NXPE1: variants seen among roughly 807,000 people sequenced by gnomAD.
The protein encoded by NXPE1 is neurexophilin and PC-esterase domain family member 1, also known as NXPE family member 1.
In NXPE1, 31 loss-of-function variants were observed where a neutral mutation model predicts 33.3. The ratio of observed to expected loss-of-function variants is 0.93; its 90% CI spans 0.70 to 1.26. The LOEUF is 1.26. Ranked by LOEUF, NXPE1 falls within the 50% of genes most tolerant of loss-of-function variation. NXPE1 has a pLI of 0.00. For missense variants in NXPE1, 661 were observed against 655.6 expected, an observed-to-expected ratio of 1.01 and a Z score of -0.09; for synonymous variants, 229 against 231.4, an observed-to-expected ratio of 0.99 and a Z score of 0.09.
intron 5 of NXPE1, among the ~76,000 whole-genome samples, chr11:114,540,642 C>T (rs1462098915): frequency 6.6e-6 from 1 of 151,734 alleles, no homozygotes; most frequent in Non-Finnish European, 1.5e-5. Context: ...TTTCAGATTG[C>T]AATGTTCAAC....
intron 5 of NXPE1, among the ~76,000 whole-genome samples, chr11:114,540,144 A>T (rs1948036167): frequency 6.6e-6 from 1 of 152,148 alleles, no homozygotes; most frequent in African/African-American, 2.4e-5. Flanking sequence ...TTTAGTAGAG[A>T]TGGGGTTTCA....
At chr11:114,533,996 G>T (rs1947692076) in intron 5 of NXPE1, among the ~76,000 whole-genome samples, 1 of 152,328 alleles carries the variant, frequency 6.6e-6, no homozygotes, top group East Asian at 1.9e-4. Flanking sequence ...CCTCAAGTGG[G>T]TCCCTGACCC....
At chr11:114,546,205 A>G (rs1214832300) in intron 5 of NXPE1, among the ~76,000 whole-genome samples, 2 of 152,212 alleles carry the variant, frequency 1.3e-5, no homozygotes, top group African/African-American at 4.8e-5. Flanking sequence ...CTGTACTCTC[A>G]GTTAACAATT....
intron 5 of NXPE1, among the ~76,000 whole-genome samples, chr11:114,536,577 C>T (rs1231499908): frequency 6.6e-6 from 1 of 151,960 alleles, no homozygotes; most frequent in Non-Finnish European, 1.5e-5. Flanking sequence ...CAAATAGACG[C>T]CATAAAAAAT....
chr11:114,529,919 G>A, intron 6 of NXPE1: 1 of 435,868 alleles, frequency 2.3e-6, no homozygotes. Context: ...ACTTATCAAG[G>A]AATCTTTTTT....
chr11:114,546,504 G>A (rs1948289716), intron 5 of NXPE1, among the ~76,000 whole-genome samples: 2 of 141,654 alleles, frequency 1.4e-5, no homozygotes, highest in Admixed American at 1.4e-4. Flanking sequence ...GTTTTGCTAT[G>A]TTGACCAGAC....
Position 114,527,914 on chromosome 11 carries a change from A to T in NXPE1, c.834-13T>A. ...TCCCACTTTGGACCTTCAAAAAAAA[A>T]ATAGAACAATAAATTAGCCTGCTCT... On this transcript the variant is annotated splice_polypyrimidine_tract_variant and intron_variant, in intron 6 of 8. Transcript: ENST00000534921. 1 of 1,597,440 alleles carries T rather than the reference A, an allele frequency of 6.3e-7. No homozygotes were observed. Among genetic ancestry groups the T allele is most frequent in the Non-Finnish European group, 8.6e-7 (1 of 1,169,060 alleles).
intron 5 of NXPE1, among the ~76,000 whole-genome samples, chr11:114,547,690 G>A (rs1948329091): frequency 6.6e-6 from 1 of 152,098 alleles, no homozygotes; most frequent in African/African-American, 2.4e-5. Context: ...AGCCGAGATG[G>A]CACTACTGCA....
At chr11:114,557,060 T>G (rs1565320349) in intron 1 of NXPE1, among the ~76,000 whole-genome samples, 1 of 151,520 alleles carries the variant, frequency 6.6e-6, no homozygotes, top group Non-Finnish European at 1.5e-5. Flanking sequence ...ACCTGGCCAA[T>G]TTTTTGTAGT....
chr11:114,559,463 G>C (rs1170103557), intron 1 of NXPE1, among the ~76,000 whole-genome samples: 4 of 152,190 alleles, frequency 2.6e-5, no homozygotes, highest in Admixed American at 2.6e-4. Flanking sequence ...CCAACTAGAT[G>C]TTAGGTTGAG....
chr11:114,522,610 C>T, intron 8 of NXPE1, 107 bp from the exon 9 acceptor site: 3 of 946,972 alleles, frequency 3.2e-6, no homozygotes, highest in Non-Finnish European at 3.1e-6. Context: ...TAATTGCTCA[C>T]TGGAGCCTTT....
At chr11:114,534,382 TCTC>T (rs1947712340) in intron 5 of NXPE1, among the ~76,000 whole-genome samples, 1 of 152,112 alleles carries the variant, frequency 6.6e-6, no homozygotes, top group East Asian at 1.9e-4. Flanking sequence ...GAGCGCCTCT[TCTC>T]CTCCAAAGGA....
chr11:114,538,265 T>C (rs1295821318), intron 5 of NXPE1, among the ~76,000 whole-genome samples: 1 of 152,188 alleles, frequency 6.6e-6, no homozygotes, highest in Non-Finnish European at 1.5e-5. Flanking sequence ...TTACACCTTA[T>C]ACAAAAATTA....
intron 5 of NXPE1, among the ~76,000 whole-genome samples, chr11:114,544,879 G>T (rs1948220685): frequency 6.6e-6 from 1 of 151,990 alleles, no homozygotes; most frequent in Non-Finnish European, 1.5e-5. Flanking sequence ...AATAATAAGA[G>T]AAAACAATTT....
chr11:114,523,809 C>T (rs1947287227), intron 7 of NXPE1, among the ~76,000 whole-genome samples: 1 of 152,192 alleles, frequency 6.6e-6, no homozygotes, highest in Non-Finnish European at 1.5e-5. Flanking sequence ...TCTATGCTGC[C>T]ATCCCATCAC....
chr11:114,548,784 G>A (rs1186108890), intron 5 of NXPE1, among the ~76,000 whole-genome samples: 1 of 151,458 alleles, frequency 6.6e-6, no homozygotes, highest in African/African-American at 2.4e-5. Flanking sequence ...GAAAGAAAAA[G>A]GTAGGAATTG....
exon 9 of NXPE1, chr11:114,522,501 G>T: frequency 6.3e-7 from 1 of 1,581,072 alleles, no homozygotes; most frequent in South Asian, 1.2e-5. Context: ...AAAAACTTCA[G>T]TGCTGATAAA....
chr11:114,528,670 C>T (rs1351505497), intron 6 of NXPE1: 4 of 452,448 alleles, frequency 8.8e-6, no homozygotes, highest in African/African-American at 3.9e-5. Context: ...ACTCTTCCTG[C>T]TTGAAAGCTC....
intron 6 of NXPE1, chr11:114,529,591 A>T (rs971904308): frequency 2.6e-5 from 4 of 152,978 alleles, no homozygotes; most frequent in African/African-American, 9.6e-5. Context: ...AGGTCACAAC[A>T]TGAGGAGTAA....
Sources: gnomAD v4.1 joint callset for allele counts (sites outside exome capture counted in the v4.1 genomes callset) on GRCh38, gnomAD v4.1.1 for gene constraint, MANE v1.5 for transcripts, NCBI Gene and HGNC (gene_info 2026-07-23, HGNC 2026-07-21) for gene names.